PRKN: variants seen among roughly 807,000 people sequenced by gnomAD.
PRKN encodes parkin RBR E3 ubiquitin protein ligase.
PRKN carries 56 observed loss-of-function variants against 59.5 expected under a neutral mutation model. That is an observed-to-expected ratio of 0.94 (90% CI 0.76 to 1.18). The LOEUF (loss-of-function observed/expected upper bound fraction) is 1.18, where lower values mean the gene tolerates loss of function less well. PRKN is among the 50% of genes most tolerant of loss of function. The pLI, the probability that PRKN is intolerant of heterozygous loss-of-function variation, is 0.00. For synonymous variants in PRKN, 250 were observed against 222.1 expected (o/e 1.13, Z -1.12); for missense variants, 657 against 596.4 (o/e 1.10, Z -1.06).
At chr6:161,772,407 G>A (rs1789733085) in intron 7 of PRKN, among the ~76,000 whole-genome samples, 1 of 152,154 alleles carries the variant, frequency 6.6e-6, no homozygotes, top group Non-Finnish European at 1.5e-5. Flanking sequence ...ATTGCCGAGC[G>A]GCTCTCTGGC....
intron 3 of PRKN, among the ~76,000 whole-genome samples, chr6:162,224,755 G>C (rs1198959077): frequency 2.0e-5 from 3 of 152,122 alleles, no homozygotes; most frequent in East Asian, 3.9e-4. Context: ...AGCCACTCTA[G>C]TATTATACGC....
intron 5 of PRKN, among the ~76,000 whole-genome samples, chr6:162,049,884 T>C (rs1255621171): frequency 6.6e-6 from 1 of 152,190 alleles, no homozygotes; most frequent in Non-Finnish European, 1.5e-5. Context: ...GCGTCCTTCC[T>C]AAGCTTGTAC....
chr6:162,177,664 C>T (rs1783602456), intron 4 of PRKN, among the ~76,000 whole-genome samples: 1 of 151,776 alleles, frequency 6.6e-6, no homozygotes, highest in African/African-American at 2.4e-5. Context: ...AAAATAAAAG[C>T]AAAGCACGTT....
intron 9 of PRKN, among the ~76,000 whole-genome samples, chr6:161,493,645 A>C (rs1312674037): frequency 1.3e-5 from 2 of 152,196 alleles, no homozygotes; most frequent in Non-Finnish European, 2.9e-5. Context: ...AGATGCAGAA[A>C]GGGCCGATGA....
chr6:162,566,030 A>G (rs1293950267), intron 1 of PRKN, among the ~76,000 whole-genome samples: 3 of 152,202 alleles, frequency 2.0e-5, no homozygotes, highest in African/African-American at 7.2e-5. Context: ...GCAAGACGAT[A>G]TAAGAACTTT....
chr6:161,364,003 C>G (rs989197241), intron 10 of PRKN, among the ~76,000 whole-genome samples: 8 of 143,760 alleles, frequency 5.6e-5, no homozygotes, highest in African/African-American at 2.0e-4. Flanking sequence ...ACTAAAAATA[C>G]AAAAAATTAC....
rs10655203 is a variant in PRKN at position 161,405,607 on chromosome 6, AAAATAAAT to A, written c.1084-18738_1084-18731del. Among the ~76,000 whole-genome samples the A allele has an allele frequency of 0.013, 1,957 of 145,094 alleles. 29 individuals are homozygous for A. The highest frequency in any genetic ancestry group is 0.038 in the African/African-American group (1,486 of 39,268). On this transcript the variant is annotated intron_variant, in intron 9 of 11. Transcript: ENST00000366898. This position sits in a 1 kb window ranked among gnomAD's most constrained non-coding sequence, Gnocchi z 5.1. ...AAAAAATAAAATAAAATAAAAATTA[AAAATAAAT>A]AAATAAATAAATAAATAAATAAATA...
At position 161,353,695 on chromosome 6, in the gene PRKN, A is replaced by C. The variant is rs1784648199; in HGVS notation, c.1286-3484T>G. 6.6e-6 allele frequency among the ~76,000 whole-genome samples: 1 copy of C among 152,206 alleles called. No individual in the cohort carries two copies. Among genetic ancestry groups the C allele is most frequent in the Non-Finnish European group, 1.5e-5 (1 of 68,036 alleles). ...AGTTCTGTGAGCCACTGTAGCAAAT[A>C]ACAGAACCCAAAGAGGGAGTCATGG... On this transcript the variant is annotated intron_variant, in intron 11 of 11. Coordinates refer to ENST00000366898, the MANE Select transcript of PRKN (RefSeq NM_004562.3). This position sits in a 1 kb window ranked among gnomAD's most constrained non-coding sequence, Gnocchi z 4.8.
At chr6:162,103,766 C>T (rs1159890417) in intron 4 of PRKN, among the ~76,000 whole-genome samples, 8 of 152,200 alleles carry the variant, frequency 5.3e-5, no homozygotes, top group Non-Finnish European at 4.4e-5. Flanking sequence ...GACCTAGCCT[C>T]AGACGGCAGA....
chr6:161,744,757 GAAACAT>G (rs1336885289), intron 7 of PRKN, among the ~76,000 whole-genome samples: 1 of 152,152 alleles, frequency 6.6e-6, no homozygotes, highest in African/African-American at 2.4e-5. Flanking sequence ...GTGACTAAAT[GAAACAT>G]AAGTTCAAGA....
chr6:162,277,385 C>A (rs895060087), intron 2 of PRKN, among the ~76,000 whole-genome samples: 3 of 152,110 alleles, frequency 2.0e-5, no homozygotes, highest in African/African-American at 7.2e-5. Flanking sequence ...GACAATAAAA[C>A]AAATCGAGGT....
At chr6:161,601,780 C>T (rs939352008) in intron 7 of PRKN, among the ~76,000 whole-genome samples, 1 of 152,094 alleles carries the variant, frequency 6.6e-6, no homozygotes, top group African/African-American at 2.4e-5. Flanking sequence ...GACGGGGTTT[C>T]ACCGTGTTAG....
intron 7 of PRKN, among the ~76,000 whole-genome samples, chr6:161,672,251 G>A (rs1290665986): frequency 6.6e-6 from 1 of 152,064 alleles, no homozygotes; most frequent in African/African-American, 2.4e-5. Flanking sequence ...ATTCTGATAG[G>A]AAAATAAAAC....
chr6:162,373,866 GT>G (rs1379091719), intron 2 of PRKN, among the ~76,000 whole-genome samples: 2 of 152,132 alleles, frequency 1.3e-5, no homozygotes, highest in East Asian at 3.9e-4. Flanking sequence ...AGAGACTAGT[GT>G]TTTTGTGTGG....
At chr6:162,572,564 C>T (rs1029977994) in intron 1 of PRKN, among the ~76,000 whole-genome samples, 3 of 152,140 alleles carry the variant, frequency 2.0e-5, no homozygotes, top group Non-Finnish European at 4.4e-5. Context: ...GAGAGCAAAA[C>T]GTCTTCATGG....
chr6:161,882,046 A>G (rs1794956146), intron 6 of PRKN, among the ~76,000 whole-genome samples: 1 of 152,286 alleles, frequency 6.6e-6, no homozygotes, highest in South Asian at 2.1e-4. Context: ...CAGATTATTC[A>G]GAATAGCTAT....
At chr6:161,748,647 A>G (rs1788540283) in intron 7 of PRKN, among the ~76,000 whole-genome samples, 1 of 152,094 alleles carries the variant, frequency 6.6e-6, no homozygotes, top group African/African-American at 2.4e-5. Flanking sequence ...CGGGTCACTG[A>G]CAAAGGCATT....
At chr6:161,791,918 G>A (rs1790653375) in intron 6 of PRKN, among the ~76,000 whole-genome samples, 1 of 152,214 alleles carries the variant, frequency 6.6e-6, no homozygotes, top group African/African-American at 2.4e-5. Flanking sequence ...CCAAGAGTAG[G>A]TCAGAAAAGA....
chr6:161,537,053 AACAAT>A (rs1779439934), intron 9 of PRKN, among the ~76,000 whole-genome samples: 3 of 152,254 alleles, frequency 2.0e-5, no homozygotes, highest in Non-Finnish European at 2.9e-5. Context: ...TGAACTTTAC[AACAAT>A]ACAATACTGC....
Sources: allele counts gnomAD v4.1 joint callset (sites outside exome capture counted in the v4.1 genomes callset), GRCh38; gene constraint gnomAD v4.1.1; non-coding constraint Gnocchi (gnomAD v3.1); transcripts MANE v1.5; gene names NCBI Gene and HGNC (gene_info 2026-07-23, HGNC 2026-07-21).